Variants in IQCK observed in about 807,000 individuals in gnomAD.
IQCK encodes IQ motif containing K.
Under a neutral mutation model 28.1 loss-of-function variants are expected in IQCK, and 29 were observed. The observed-to-expected ratio is 1.03, with a 90% CI of 0.77 to 1.41. The LOEUF is 1.41. IQCK is among the 40% of genes most tolerant of loss of function. IQCK has a pLI of 0.00. For synonymous variants in IQCK, 113 were observed against 115.1 expected (o/e 0.98, Z 0.12); for missense variants, 359 against 314.7 (o/e 1.14, Z -1.07).
At position 19,732,663 on chromosome 16, in the gene IQCK, A is replaced by G. The variant is rs549349504; in HGVS notation, c.247-1035A>G. Among the ~76,000 whole-genome samples, 15 of 152,180 alleles carry G rather than the reference A, an allele frequency of 9.9e-5. No individual in the cohort carries two copies. In the East Asian group the frequency reaches 1.7e-3, roughly 18 times the overall value. On this transcript the variant is annotated intron_variant, in intron 2 of 7. Coordinates refer to ENST00000564186, the Ensembl canonical transcript of IQCK. ...ATTTTAGTAGAGATGAGGTCTTGCT[A>G]TGTTGCCCAGGCTGGTCTCAAACTC...
At chr16:19,730,555 G>T in intron 2 of IQCK, 61 bp downstream of exon 2, 2 of 1,287,594 alleles carry the variant, frequency 1.6e-6, no homozygotes, top group African/African-American at 1.5e-5. Context: ...AGCATTGATG[G>T]CCTGTGAATG....
At chr16:19,823,413 C>T (rs2056102090) in intron 7 of IQCK, among the ~76,000 whole-genome samples, 1 of 152,118 alleles carries the variant, frequency 6.6e-6, no homozygotes, top group Non-Finnish European at 1.5e-5. Context: ...TGCCCTGCAT[C>T]CCTCCCAGCA....
intron 9 of IQCK, among the ~76,000 whole-genome samples, chr16:19,846,476 A>G (rs1327248816): frequency 1.3e-5 from 2 of 152,224 alleles, no homozygotes; most frequent in African/African-American, 2.4e-5. Flanking sequence ...TTCTGTCTCA[A>G]TATAACCAAT....
chr16:19,772,500 T>G (rs1418769973), intron 6 of IQCK, among the ~76,000 whole-genome samples: 1 of 152,194 alleles, frequency 6.6e-6, no homozygotes, highest in Non-Finnish European at 1.5e-5. Context: ...TTCATAGTCA[T>G]GATTAAAAAG....
intron 9 of IQCK, among the ~76,000 whole-genome samples, chr16:19,846,055 C>CTA (rs1391948526): frequency 6.6e-6 from 1 of 152,058 alleles, no homozygotes; most frequent in Non-Finnish European, 1.5e-5. Context: ...CCAGCCTGGG[C>CTA]AATAGAGCGA....
At chr16:19,821,377 T>G (rs1018228013) in intron 7 of IQCK, among the ~76,000 whole-genome samples, 14 of 152,168 alleles carry the variant, frequency 9.2e-5, no homozygotes, top group African/African-American at 3.4e-4. Flanking sequence ...CACCCAGCAA[T>G]TCGACTTCTA....
downstream of IQCK, among the ~76,000 whole-genome samples, chr16:19,828,924 ATAAT>A (rs2056191004): frequency 1.4e-5 from 2 of 143,984 alleles, no homozygotes; most frequent in South Asian, 2.1e-4. Flanking sequence ...TTTTATATAT[ATAAT>A]TAAATATATT....
intron 9 of IQCK, among the ~76,000 whole-genome samples, chr16:19,854,087 C>T (rs1334050859): frequency 6.6e-6 from 1 of 152,196 alleles, no homozygotes; most frequent in Non-Finnish European, 1.5e-5. Flanking sequence ...CTGGCTGAAC[C>T]TTAGCAACAC....
At chr16:19,802,804 T>C (rs1285489310) in intron 7 of IQCK, among the ~76,000 whole-genome samples, 2 of 152,250 alleles carry the variant, frequency 1.3e-5, no homozygotes, top group Non-Finnish European at 2.9e-5. Context: ...CGTTTGCTGT[T>C]GTCCCACGTG....
chr16:19,718,915 C>T (rs1977369457), intron 1 of IQCK, among the ~76,000 whole-genome samples: 2 of 152,292 alleles, frequency 1.3e-5, no homozygotes, highest in African/African-American at 2.4e-5. Context: ...AAGAGCACCC[C>T]AGGTAATCCT....
At chr16:19,761,262 T>C in intron 4 of IQCK, 1 of 404,152 alleles carries the variant, frequency 2.5e-6, no homozygotes, top group Admixed American at 2.8e-5. Flanking sequence ...GGGGTTATAC[T>C]TCACCATATG....
chr16:19,787,002 C>T (rs532947560), intron 6 of IQCK, among the ~76,000 whole-genome samples: 2 of 78,974 alleles, frequency 2.5e-5, no homozygotes, highest in East Asian at 6.8e-4. Flanking sequence ...GCACTGCACT[C>T]AACTGCTGAT....
At chr16:19,811,518 T>G (rs573131012) in intron 7 of IQCK, among the ~76,000 whole-genome samples, 2 of 152,312 alleles carry the variant, frequency 1.3e-5, no homozygotes, top group South Asian at 4.1e-4. Context: ...AGTCTTATTA[T>G]TAAAGGGACT....
chr16:19,849,363 A>T (rs2056452629), intron 9 of IQCK, among the ~76,000 whole-genome samples: 1 of 151,944 alleles, frequency 6.6e-6, no homozygotes. Context: ...GGGCAGTTAC[A>T]CTTAAGTGAT....
rs143852965 is a variant in IQCK at position 19,832,966 on chromosome 16, A to G, written c.802+5829A>G. ...TCCCACCAGATCCCTCCTTCCACACATGGGGATTACAATTCAAGATGAAAT... is the reference window on the plus strand; with the variant it reads ...TCCCACCAGATCCCTCCTTCCACACGTGGGGATTACAATTCAAGATGAAAT... On this transcript the variant is annotated intron_variant, in intron 9 of 9. Transcript: ENST00000320394. Among the ~76,000 whole-genome samples the G allele has an allele frequency of 7.7e-3, 1,174 of 152,212 alleles. 15 individuals carry two copies. The highest frequency in any genetic ancestry group is 0.027 in the African/African-American group (1,113 of 41,534).
chr16:19,779,505 GT>G (rs1288786067), intron 6 of IQCK, among the ~76,000 whole-genome samples: 1 of 151,988 alleles, frequency 6.6e-6, no homozygotes, highest in African/African-American at 2.4e-5. Context: ...AATATGAAAA[GT>G]TTTTTCTTTT....
intron 9 of IQCK, among the ~76,000 whole-genome samples, chr16:19,843,475 C>T (rs1025599571): frequency 1.3e-5 from 2 of 152,198 alleles, no homozygotes; most frequent in African/African-American, 4.8e-5. Context: ...ATATGTAATC[C>T]TTTGTGACTG....
At chr16:19,724,847 A>C (rs1373091541) in intron 1 of IQCK, among the ~76,000 whole-genome samples, 1 of 152,116 alleles carries the variant, frequency 6.6e-6, no homozygotes, top group Non-Finnish European at 1.5e-5. Flanking sequence ...TCAATGCTAC[A>C]TTTTAATTGT....
intron 4 of IQCK, among the ~76,000 whole-genome samples, chr16:19,746,650 G>A (rs560686344): frequency 3.3e-5 from 5 of 152,212 alleles, no homozygotes; most frequent in South Asian, 2.1e-4. Flanking sequence ...ACTTGGCTAC[G>A]AGTTGCTTTT....
Sources: allele counts gnomAD v4.1 joint callset (sites outside exome capture counted in the v4.1 genomes callset), GRCh38; gene constraint gnomAD v4.1.1; transcripts MANE v1.5; gene names NCBI Gene and HGNC (gene_info 2026-07-23, HGNC 2026-07-21).